The following CCDC57 variants were observed in gnomAD, a reference collection of about 807,000 sequenced individuals.
The protein encoded by CCDC57 is coiled-coil domain-containing protein 57.
In CCDC57, 118 loss-of-function variants were observed where a neutral mutation model predicts 118.9. The observed-to-expected ratio is 0.99, with a 90% CI of 0.86 to 1.16. The LOEUF (loss-of-function observed/expected upper bound fraction) is 1.16, where lower values mean the gene tolerates loss of function less well. Ranked by LOEUF, CCDC57 falls within the 50% of genes most tolerant of loss-of-function variation. The pLI is 0.00. For synonymous variants in CCDC57, 527 were observed against 532.9 expected (o/e 0.99, Z 0.15); for missense variants, 1,300 against 1,320.7 (o/e 0.98, Z 0.24).
intron 17 of CCDC57, among the ~76,000 whole-genome samples, chr17:82,131,249 G>C (rs2038321973): frequency 6.8e-6 from 1 of 148,032 alleles, no homozygotes; most frequent in South Asian, 2.3e-4. Context: ...TGGGCAACAT[G>C]GCAAAACCTC....
At chr17:82,151,881 T>A in intron 15 of CCDC57, 108 bp from the exon 15 acceptor site, 1 of 919,372 alleles carries the variant, frequency 1.1e-6, no homozygotes, top group Non-Finnish European at 1.6e-6. Flanking sequence ...GGGTGGGCAC[T>A]GCTGGCTGTC....
chr17:82,178,542 C>A (rs7209474), exon 11 of CCDC57: 2 of 1,613,224 alleles, frequency 1.2e-6, no homozygotes, highest in African/African-American at 1.3e-5. Flanking sequence ...TCCAGGGTCA[C>A]GGCCTTCAGC....
At chr17:82,105,262 T>C (rs1326775541) in intron 19 of CCDC57, 1 of 152,320 alleles carries the variant, frequency 6.6e-6, no homozygotes, top group African/African-American at 2.4e-5. Context: ...TGGCCTCCGC[T>C]GCTCTGTGTG....
At chr17:82,158,188 G>A (rs2042899809) in intron 14 of CCDC57, among the ~76,000 whole-genome samples, 1 of 152,228 alleles carries the variant, frequency 6.6e-6, no homozygotes, top group Non-Finnish European at 1.5e-5. Flanking sequence ...GGACTCCTAG[G>A]CTGGTGGGGA....
At chr17:82,165,912 C>A (rs900549120) in intron 13 of CCDC57, among the ~76,000 whole-genome samples, 4 of 152,136 alleles carry the variant, frequency 2.6e-5, no homozygotes, top group Non-Finnish European at 4.4e-5. Context: ...CCCAGAAAGG[C>A]TGACTACCTG....
At chr17:82,148,372 G>A (rs539140217) in intron 16 of CCDC57, among the ~76,000 whole-genome samples, 8 of 8,402 alleles carry the variant, frequency 9.5e-4, no homozygotes, top group South Asian at 8.3e-3. Flanking sequence ...TGGGTGGATG[G>A]GTGGGTGGGT....
rs1003824018 is a variant in CCDC57, at chr17:82,212,190, T to G, written c.-211+595A>C. 3.9e-5 allele frequency among the ~76,000 whole-genome samples: 6 copies of G among 152,150 alleles called. No individual in the cohort carries two copies. The highest frequency in any genetic ancestry group is 1.4e-4 in the African/African-American group (6 of 41,444). ...CAGTTACAACATCGGGTTCAAGCGA[T>G]TCTCCTGCTTCAGCCTCCGGAGTAG... On this transcript the variant is annotated intron_variant, in intron 1 of 19. Coordinates refer to ENST00000665763, the Ensembl canonical transcript of CCDC57. The surrounding 1 kb of genome is among the most constrained non-coding windows in gnomAD (Gnocchi z 4.1).
chr17:82,145,026 C>CTTTTTTTTTTTT (rs63184860), intron 16 of CCDC57, among the ~76,000 whole-genome samples: 2 of 120,264 alleles, frequency 1.7e-5, no homozygotes, highest in African/African-American at 3.1e-5. Flanking sequence ...TTTTTTTTTT[C>CTTTTTTTTTTTT]TTTTTTTTTT....
In CCDC57 at chr17:82,127,403, C is replaced by T. The variant is rs76287738; in HGVS notation, c.2899+289G>A. 1.3e-5 allele frequency: 11 copies of T among 867,868 alleles called. No individual in the cohort carries two copies. In the South Asian group the frequency reaches 2.8e-4, roughly 22 times the overall value. 53.8% of individuals were successfully genotyped at this position (867,868 alleles called of 1,614,324 possible). A position where few individuals can be genotyped will look rare whatever the true frequency, so the allele number is the denominator to read the frequency against. ...TGTACAGTGCTCCATTCTAAGTCAG[C>T]CTGCGCCCGGGTGTACGGTGCTGCA... On this transcript the variant is annotated intron_variant, in intron 19 of 19. Transcript: ENST00000665763.
At chr17:82,152,919 C>A (rs1490892219) in intron 15 of CCDC57, among the ~76,000 whole-genome samples, 2 of 152,134 alleles carry the variant, frequency 1.3e-5, no homozygotes, top group East Asian at 3.9e-4. Context: ...GATGACACAT[C>A]GAAGGGGAGA....
chr17:82,159,345 G>A (rs1283420563), intron 14 of CCDC57, among the ~76,000 whole-genome samples: 2 of 152,202 alleles, frequency 1.3e-5, no homozygotes, highest in African/African-American at 2.4e-5. Flanking sequence ...GCATTTGTGC[G>A]GGAAATGGGG....
intron 19 of CCDC57, among the ~76,000 whole-genome samples, chr17:82,125,300 G>A (rs1011515662): frequency 2.0e-5 from 3 of 152,154 alleles, no homozygotes; most frequent in African/African-American, 7.2e-5. Context: ...CACTTTGGGA[G>A]GCTGAAGCGG....
intron 7 of CCDC57, among the ~76,000 whole-genome samples, chr17:82,190,169 G>A (rs537145669): frequency 0.014 from 2,135 of 151,624 alleles, 82 homozygotes; most frequent in African/African-American, 0.05. Context: ...AGCATAGAGT[G>A]ACTTCTCAAG....
At chr17:82,174,458 T>A (rs1444824482) in intron 11 of CCDC57, among the ~76,000 whole-genome samples, 1 of 152,230 alleles carries the variant, frequency 6.6e-6, no homozygotes, top group African/African-American at 2.4e-5. Context: ...AGACTCTCTC[T>A]AGCTGGGAAA....
At chr17:82,195,554 G>A (rs1234925760) in intron 4 of CCDC57, among the ~76,000 whole-genome samples, 190 bp from the exon 4 acceptor site, 2 of 152,010 alleles carry the variant, frequency 1.3e-5, no homozygotes, top group African/African-American at 4.8e-5. Context: ...CGAGGCGGGA[G>A]GATCGCTTGA....
intron 14 of CCDC57, among the ~76,000 whole-genome samples, chr17:82,159,344 C>T (rs8077772): frequency 0.48 from 72,554 of 152,048 alleles, 18,116 homozygotes; most frequent in East Asian, 0.88. Context: ...AGCATTTGTG[C>T]GGGAAATGGG....
intron 16 of CCDC57, among the ~76,000 whole-genome samples, chr17:82,150,911 C>A (rs1202383900): frequency 6.0e-5 from 2 of 33,196 alleles, no homozygotes; most frequent in Non-Finnish European, 5.9e-5. Flanking sequence ...AGAACCTGAC[C>A]CGCACCCAGA....
At chr17:82,184,020 C>CGCGCGT (rs1555746186) in intron 8 of CCDC57, 88 bp from the exon 8 acceptor site, 1 of 260,908 alleles carries the variant, frequency 3.8e-6, no homozygotes, top group Non-Finnish European at 6.8e-6. Context: ...TACACATGCG[C>CGCGCGT]GCGCGCGCGC....
intron 3 of CCDC57, among the ~76,000 whole-genome samples, chr17:82,199,003 A>G (rs992334617): frequency 8.1e-6 from 1 of 123,808 alleles, no homozygotes; most frequent in Non-Finnish European, 1.7e-5. Context: ...AAAAAAAAAA[A>G]AAAAAAGAAA....
Sources: gnomAD v4.1 joint callset for allele counts (sites outside exome capture counted in the v4.1 genomes callset) on GRCh38, gnomAD v4.1.1 for gene constraint, Gnocchi (gnomAD v3.1) non-coding constraint, MANE v1.5 for transcripts, NCBI Gene and HGNC (gene_info 2026-07-23, HGNC 2026-07-21) for gene names.